Variants in PRKCE observed in about 807,000 individuals in gnomAD.
PRKCE encodes protein kinase C epsilon.
A neutral mutation model predicts 85.4 loss-of-function variants in PRKCE; 16 were observed. The observed-to-expected ratio is 0.19, with a 90% confidence interval of 0.13 to 0.28. PRKCE has a LOEUF of 0.28. Among genes scored for constraint, PRKCE ranks in the 10% least tolerant of loss-of-function variants. The probability of loss-of-function intolerance (pLI) is 1.00; values close to 1 mark genes in which losing one functional copy is unlikely to be tolerated. For synonymous variants in PRKCE, 388 were observed against 371.5 expected (o/e 1.04, Z -0.51); for missense variants, 573 against 975.2 (o/e 0.59, Z 5.49).
At chr2:46,044,717 A>T (rs1426955897) in intron 10 of PRKCE, among the ~76,000 whole-genome samples, 1 of 152,234 alleles carries the variant, frequency 6.6e-6, no homozygotes, top group Non-Finnish European at 1.5e-5. Flanking sequence ...GCTTTAATTT[A>T]TGCTAATTTA....
intron 1 of PRKCE, among the ~76,000 whole-genome samples, chr2:45,804,506 G>T (rs890833763): frequency 6.6e-6 from 1 of 152,172 alleles, no homozygotes; most frequent in African/African-American, 2.4e-5. Context: ...GGTTAGCAAT[G>T]ACTTCTCCTA....
chr2:45,685,381 T>C (rs1677218195), intron 1 of PRKCE: 1 of 152,248 alleles, frequency 6.6e-6, no homozygotes, highest in Non-Finnish European at 1.5e-5. Flanking sequence ...ATTTTAATTC[T>C]ATGATTTGTC....
chr2:45,757,406 C>A (rs1193348008), intron 1 of PRKCE, among the ~76,000 whole-genome samples: 1 of 151,400 alleles, frequency 6.6e-6, no homozygotes, highest in East Asian at 1.9e-4. Context: ...ATAGTTCATG[C>A]CTGTAATCCC....
At chr2:45,706,070 A>G (rs1679094238) in intron 1 of PRKCE, among the ~76,000 whole-genome samples, 1 of 152,172 alleles carries the variant, frequency 6.6e-6, no homozygotes, top group Non-Finnish European at 1.5e-5. Context: ...AGAACTAGAA[A>G]TTATTTCTGC....
At chr2:45,664,010 A>G (rs1318864945) in intron 1 of PRKCE, among the ~76,000 whole-genome samples, 1 of 152,230 alleles carries the variant, frequency 6.6e-6, no homozygotes, top group South Asian at 2.1e-4. Context: ...ACAAACATAT[A>G]TTGAGTACTT....
intron 2 of PRKCE, among the ~76,000 whole-genome samples, chr2:45,857,718 A>ATT (rs34814737): frequency 4.1e-5 from 6 of 146,770 alleles, no homozygotes; most frequent in South Asian, 2.1e-4. Flanking sequence ...CAGCATTTTG[A>ATT]TTTTTTTTTT....
intron 11 of PRKCE, among the ~76,000 whole-genome samples, chr2:46,095,976 C>G (rs1458715637): frequency 6.6e-6 from 1 of 152,170 alleles, no homozygotes; most frequent in Non-Finnish European, 1.5e-5. Flanking sequence ...TCTTACTGTC[C>G]ACTGGATTTA....
chr2:46,175,893 T>C (rs949600173), intron 14 of PRKCE, among the ~76,000 whole-genome samples: 3 of 151,840 alleles, frequency 2.0e-5, no homozygotes, highest in Non-Finnish European at 2.9e-5. Flanking sequence ...CTTTTGAAAT[T>C]GTTAAAAGAA....
At chr2:45,812,300 C>G (rs1195296287) in intron 1 of PRKCE, among the ~76,000 whole-genome samples, 2 of 152,262 alleles carry the variant, frequency 1.3e-5, no homozygotes, top group South Asian at 4.2e-4. Context: ...AGTGAGAAGC[C>G]ACAGATCTTG....
chr2:45,778,551 A>G (rs1685939684), intron 1 of PRKCE, among the ~76,000 whole-genome samples: 1 of 151,946 alleles, frequency 6.6e-6, no homozygotes, highest in Non-Finnish European at 1.5e-5. Context: ...TCCCTACCCC[A>G]CACACATCTC....
chr2:45,891,529 A>C (rs1007432269), intron 2 of PRKCE, among the ~76,000 whole-genome samples: 6 of 152,134 alleles, frequency 3.9e-5, no homozygotes, highest in African/African-American at 1.4e-4. Flanking sequence ...TCACCCCGTC[A>C]AGTTTCCAAG....
chr2:45,704,952 C>T (rs1477402264), intron 1 of PRKCE, among the ~76,000 whole-genome samples: 1 of 152,172 alleles, frequency 6.6e-6, no homozygotes, highest in African/African-American at 2.4e-5. Context: ...TTTCCTTTGT[C>T]CCTCCCATCT....
chr2:46,178,231 G>C (rs1485590522), intron 14 of PRKCE, among the ~76,000 whole-genome samples: 2 of 152,230 alleles, frequency 1.3e-5, no homozygotes, highest in Non-Finnish European at 2.9e-5. Context: ...TTGCACTCCA[G>C]CCTGGGCAAC....
intron 1 of PRKCE, among the ~76,000 whole-genome samples, chr2:45,653,661 T>G (rs2103680160): frequency 6.6e-6 from 1 of 152,314 alleles, no homozygotes; most frequent in East Asian, 1.9e-4. Flanking sequence ...ACATATTTTT[T>G]TCAAGGACAC....
intron 1 of PRKCE, among the ~76,000 whole-genome samples, chr2:45,687,914 A>T (rs1677423655): frequency 2.0e-5 from 3 of 152,148 alleles, no homozygotes; most frequent in Non-Finnish European, 4.4e-5. Flanking sequence ...CACGTTGGAG[A>T]CCAGTGTGAT....
intron 5 of PRKCE, among the ~76,000 whole-genome samples, chr2:45,982,413 G>T (rs916716349): frequency 4.6e-5 from 7 of 152,136 alleles, no homozygotes; most frequent in African/African-American, 1.4e-4. Context: ...TGGACTTCTT[G>T]GGTGTCCTGC....
chr2:46,001,980 C>T lies in PRKCE; in HGVS notation c.966+434C>T, dbSNP rs1704720267. Among the ~76,000 whole-genome samples the T allele has an allele frequency of 6.6e-6, 1 of 152,154 alleles. No homozygotes were observed. The highest frequency in any genetic ancestry group is 2.4e-5 in the African/African-American group (1 of 41,422). ...ACCACATTCTTTTCTAGGGAGGAAG[C>T]CAAGATGATTTGTGATCATACCAGC... On this transcript the variant is annotated intron_variant, in intron 7 of 14. Transcript: ENST00000306156. The surrounding 1 kb of genome is among the most constrained non-coding windows in gnomAD (Gnocchi z 4.4).
chr2:46,136,345 C>T (rs1674997722), intron 11 of PRKCE, among the ~76,000 whole-genome samples: 1 of 152,152 alleles, frequency 6.6e-6, no homozygotes, highest in East Asian at 1.9e-4. Context: ...TAACGCTTTG[C>T]TAGATGCTGT....
Position 46,004,360 on chromosome 2 carries a change from A to C in PRKCE, c.967-182A>C. 1.8e-6 allele frequency: 1 copy of C among 565,536 alleles called. No homozygotes were observed. The highest frequency in any genetic ancestry group is 3.2e-6 in the Non-Finnish European group (1 of 310,278). 35.0% of individuals were successfully genotyped at this position (565,536 alleles called of 1,614,324 possible). A position where few individuals can be genotyped will look rare whatever the true frequency, so the allele number is the denominator to read the frequency against. On this transcript the variant is annotated intron_variant, in intron 7 of 14. Coordinates refer to ENST00000306156, the MANE Select transcript of PRKCE (RefSeq NM_005400.3). This position sits in a 1 kb window ranked among gnomAD's most constrained non-coding sequence, Gnocchi z 4.1. ...GTGGTTCTTGCTCTGGTCAGACGTC[A>C]CAGAGGGATCGAACTTCATTTTGGC...
Sources: allele counts gnomAD v4.1 joint callset (sites outside exome capture counted in the v4.1 genomes callset), GRCh38; gene constraint gnomAD v4.1.1; non-coding constraint Gnocchi (gnomAD v3.1); transcripts MANE v1.5; gene names NCBI Gene and HGNC (gene_info 2026-07-23, HGNC 2026-07-21).